Variants in ACVR2A observed in about 807,000 individuals in gnomAD.
ACVR2A encodes the protein activin A receptor type 2A, also known as activin receptor type-2A.
ACVR2A carries 7 observed loss-of-function variants against 61.4 expected under a neutral mutation model. That is an observed-to-expected ratio of 0.11 (90% confidence interval 0.06 to 0.21). The LOEUF (loss-of-function observed/expected upper bound fraction) is 0.21, where lower values mean the gene tolerates loss of function less well. Among genes scored for constraint, ACVR2A ranks in the 10% least tolerant of loss-of-function variants. The pLI is 1.00. For synonymous variants in ACVR2A, 193 were observed against 208.3 expected, an observed-to-expected ratio of 0.93 and a Z score of 0.63; for missense variants, 322 against 621.7, an observed-to-expected ratio of 0.52 and a Z score of 5.13.
At chr2:147,865,772 A>C (rs1021510648) in intron 1 of ACVR2A, among the ~76,000 whole-genome samples, 5 of 152,172 alleles carry the variant, frequency 3.3e-5, no homozygotes, top group Admixed American at 6.6e-5. Context: ...CACAATCTTT[A>C]CCCTAGGGGA....
intron 1 of ACVR2A, among the ~76,000 whole-genome samples, chr2:147,864,442 A>G (rs929717403): frequency 2.6e-5 from 4 of 151,934 alleles, no homozygotes; most frequent in African/African-American, 7.3e-5. Flanking sequence ...ATCTTGGCCA[A>G]GCTGGTCTGA....
chr2:147,903,285 A>G (rs1405135902), intron 4 of ACVR2A, among the ~76,000 whole-genome samples: 2 of 149,280 alleles, frequency 1.3e-5, no homozygotes, highest in Non-Finnish European at 3.0e-5. Flanking sequence ...TATTTCTGTC[A>G]TTGTTTCATG....
intron 1 of ACVR2A, among the ~76,000 whole-genome samples, chr2:147,864,447 G>T (rs1266656461): frequency 6.6e-6 from 1 of 152,068 alleles, no homozygotes; most frequent in Non-Finnish European, 1.5e-5. Context: ...GGCCAAGCTG[G>T]TCTGAAACTC....
chr2:147,860,398 C>A (rs1354512808), intron 1 of ACVR2A, among the ~76,000 whole-genome samples: 2 of 151,944 alleles, frequency 1.3e-5, no homozygotes, highest in African/African-American at 4.8e-5. Context: ...AATTGTGTTA[C>A]AAGCAGAAGT....
chr2:147,918,128 T>G (rs1401876637), intron 6 of ACVR2A, among the ~76,000 whole-genome samples: 1 of 151,762 alleles, frequency 6.6e-6, no homozygotes. Flanking sequence ...ATTTTAACTT[T>G]TAAAATATTT....
At chr2:147,876,069 G>T (rs952038264) in intron 1 of ACVR2A, among the ~76,000 whole-genome samples, 4 of 152,008 alleles carry the variant, frequency 2.6e-5, no homozygotes, top group Non-Finnish European at 5.9e-5. Flanking sequence ...AAAAACTATT[G>T]AGCTTTATTA....
At chr2:147,904,955 T>C (rs191125103) in intron 4 of ACVR2A, among the ~76,000 whole-genome samples, 1 of 152,204 alleles carries the variant, frequency 6.6e-6, no homozygotes, top group African/African-American at 2.4e-5. Context: ...ATAGGTTGAC[T>C]ACTGATTGGA....
intron 1 of ACVR2A, among the ~76,000 whole-genome samples, chr2:147,872,968 T>C (rs904127055): frequency 6.6e-6 from 1 of 152,022 alleles, no homozygotes; most frequent in Middle Eastern, 3.2e-3. Flanking sequence ...GTTTGACAGC[T>C]GTGCCTATTT....
chr2:147,881,176 T>C (rs114048242), intron 1 of ACVR2A, among the ~76,000 whole-genome samples: 211 of 152,330 alleles, frequency 1.4e-3, no homozygotes, highest in Non-Finnish European at 2.6e-3. Context: ...CCAGGTGTTA[T>C]TCAGTTGAAT....
intron 1 of ACVR2A, among the ~76,000 whole-genome samples, chr2:147,871,270 T>C (rs1686007287): frequency 6.6e-6 from 1 of 152,164 alleles, no homozygotes; most frequent in Non-Finnish European, 1.5e-5. Context: ...TTCCTTTGTC[T>C]TTGTCAATGT....
At chr2:147,852,355 C>T (rs1466919100) in intron 1 of ACVR2A, among the ~76,000 whole-genome samples, 2 of 152,020 alleles carry the variant, frequency 1.3e-5, no homozygotes, top group African/African-American at 2.4e-5. Context: ...AAACATTGAT[C>T]GTGACCCATT....
intron 1 of ACVR2A, among the ~76,000 whole-genome samples, chr2:147,888,240 G>A (rs758127147): frequency 5.9e-5 from 9 of 152,136 alleles, no homozygotes; most frequent in South Asian, 2.1e-4. Flanking sequence ...AAGCCTTAAC[G>A]TCAGGAAAGC....
intron 1 of ACVR2A, among the ~76,000 whole-genome samples, chr2:147,891,121 C>G (rs1686572124): frequency 6.6e-6 from 1 of 152,164 alleles, no homozygotes; most frequent in African/African-American, 2.4e-5. Context: ...ATGAAATCCT[C>G]TCTAAAAATA....
chr2:147,918,742 G>A (rs1687310809), intron 7 of ACVR2A, 150 bp downstream of exon 7: 2 of 635,610 alleles, frequency 3.1e-6, no homozygotes, highest in Admixed American at 3.8e-5. Flanking sequence ...TTAGCTTTGA[G>A]ATTGGCCAGG....
chr2:147,877,813 T>G (rs945972367), intron 1 of ACVR2A, among the ~76,000 whole-genome samples: 44 of 152,334 alleles, frequency 2.9e-4, no homozygotes, highest in Admixed American at 1.0e-3. Context: ...GATGTTTATA[T>G]GAAAGCTTTC....
Position 147,927,544 on chromosome 2 carries a change from C to T in ACVR2A, c.*270C>T, listed in dbSNP as rs1361989384. ...TGTACATGAAGAATGTAGCCCTCTCCAAATCAAGGATCTTTTGGACCTGGC... is the reference window on the plus strand; with the variant it reads ...TGTACATGAAGAATGTAGCCCTCTCTAAATCAAGGATCTTTTGGACCTGGC... On this transcript the variant is annotated 3_prime_UTR_variant, in exon 11 of 11. Transcript: ENST00000241416. The T allele has an allele frequency of 3.8e-6, 1 of 265,014 alleles. No individual in the cohort carries two copies. The highest frequency in any genetic ancestry group is 7.0e-6 in the Non-Finnish European group (1 of 142,492). The allele number at this position is 265,014 out of a possible 1,614,324, so 16.4% of individuals were successfully genotyped here.
At chr2:147,872,503 CAAT>C (rs1254054189) in intron 1 of ACVR2A, among the ~76,000 whole-genome samples, 2 of 150,684 alleles carry the variant, frequency 1.3e-5, no homozygotes, top group Admixed American at 1.3e-4. Flanking sequence ...AGAAAGTTGT[CAAT>C]GATGTATTTC....
chr2:147,870,484 C>T (rs1345000471), intron 1 of ACVR2A, among the ~76,000 whole-genome samples: 3 of 152,110 alleles, frequency 2.0e-5, no homozygotes, highest in African/African-American at 4.8e-5. Context: ...TGTCACATTT[C>T]GTACAATTCT....
chr2:147,888,720 C>T (rs760763916), intron 1 of ACVR2A, among the ~76,000 whole-genome samples: 4 of 150,746 alleles, frequency 2.7e-5, no homozygotes, highest in African/African-American at 9.8e-5. Flanking sequence ...GGAATTCCTC[C>T]GTATACCAGC....
Sources: gnomAD v4.1 joint callset for allele counts (sites outside exome capture counted in the v4.1 genomes callset) on GRCh38, gnomAD v4.1.1 for gene constraint, MANE v1.5 for transcripts, NCBI Gene and HGNC (gene_info 2026-07-23, HGNC 2026-07-21) for gene names.